HDAC4: variants seen among roughly 807,000 people sequenced by gnomAD.
HDAC4 encodes the protein histone deacetylase 4, also known as histone deacetylase A.
In HDAC4, 16 loss-of-function variants were observed where a neutral mutation model predicts 135.1. The ratio of observed to expected loss-of-function variants is 0.12; its 90% confidence interval spans 0.08 to 0.18. The LOEUF is 0.18. HDAC4 is among the 10% of genes least tolerant of loss of function. HDAC4 has a pLI of 1.00. For missense variants in HDAC4, 1,143 were observed against 1,511.8 expected (o/e 0.76, Z 4.05); for synonymous variants, 685 against 653.4 (o/e 1.05, Z -0.74).
chr2:239,218,410 G>T (rs902902306), intron 3 of HDAC4, among the ~76,000 whole-genome samples: 6 of 151,070 alleles, frequency 4.0e-5, no homozygotes, highest in Admixed American at 2.0e-4. Context: ...AAACTGGCTA[G>T]CCATATGTAG....
At chr2:239,137,000 A>G (rs2041007211) in intron 9 of HDAC4, among the ~76,000 whole-genome samples, 1 of 152,008 alleles carries the variant, frequency 6.6e-6, no homozygotes, top group Non-Finnish European at 1.5e-5. Context: ...AAAGTTAAAG[A>G]ATTATCAGTA....
intron 2 of HDAC4, among the ~76,000 whole-genome samples, chr2:239,250,451 C>A (rs1210547276): frequency 6.6e-6 from 1 of 152,246 alleles, no homozygotes; most frequent in African/African-American, 2.4e-5. Flanking sequence ...GGGCCCCGCA[C>A]GGCCCAGCTC....
At position 239,240,960 on chromosome 2, in the gene HDAC4, T is replaced by A. The variant is rs911543252; in HGVS notation, c.23-4296A>T. Among the ~76,000 whole-genome samples the A allele has an allele frequency of 2.0e-5, 3 of 152,214 alleles. No homozygotes were observed. Among genetic ancestry groups the A allele is most frequent in the African/African-American group, 7.2e-5 (3 of 41,446 alleles). On this transcript the variant is annotated intron_variant, in intron 2 of 26. Coordinates refer to ENST00000543185, the MANE Select transcript of HDAC4 (RefSeq NM_001378414.1). The surrounding 1 kb of genome is among the most constrained non-coding windows in gnomAD (Gnocchi z 4.5). ...ATGTCTAACCAGAAACCCGGCCTTCTGGAGCCAAAGGAACCTCACTTTCAC... is the reference window on the plus strand; with the variant it reads ...ATGTCTAACCAGAAACCCGGCCTTCAGGAGCCAAAGGAACCTCACTTTCAC...
chr2:239,156,172 T>C (rs2042411161), intron 7 of HDAC4, among the ~76,000 whole-genome samples: 1 of 152,234 alleles, frequency 6.6e-6, no homozygotes, highest in Non-Finnish European at 1.5e-5. Context: ...GGATATCCCC[T>C]GCAGGACATA....
chr2:239,259,948 G>A (rs545296228), intron 2 of HDAC4, among the ~76,000 whole-genome samples: 9 of 152,328 alleles, frequency 5.9e-5, no homozygotes, highest in Admixed American at 3.9e-4. Context: ...GCCAGCTAAG[G>A]AGAAGAGGAT....
chr2:239,264,432 T>G (rs1056142542), intron 2 of HDAC4, among the ~76,000 whole-genome samples: 1 of 152,246 alleles, frequency 6.6e-6, no homozygotes, highest in Non-Finnish European at 1.5e-5. Flanking sequence ...AATGTGCTAA[T>G]GTAAGACTAC....
chr2:239,073,884 G>C (rs2034457016), intron 22 of HDAC4, among the ~76,000 whole-genome samples: 1 of 152,230 alleles, frequency 6.6e-6, no homozygotes, highest in African/African-American at 2.4e-5. Flanking sequence ...ACACTGGAAG[G>C]CACTGGCCCC....
At chr2:239,066,088 C>T (rs561218029) in intron 24 of HDAC4, among the ~76,000 whole-genome samples, 20 of 152,200 alleles carry the variant, frequency 1.3e-4, no homozygotes, top group African/African-American at 4.1e-4. Flanking sequence ...CAGGGAGGCC[C>T]GGGCCCCAGC....
In HDAC4 at chr2:239,147,916, C is replaced by T. The variant is rs117494708; in HGVS notation, c.734-3202G>A. On this transcript the variant is annotated intron_variant, in intron 7 of 26. Transcript: ENST00000543185. ...TTCTGATGGAGACACAGGCTGGCTC[C>T]TCCAACTTAAACATCCTGAGAGTCA... Among the ~76,000 whole-genome samples, 53 of 152,360 alleles carry T rather than the reference C, an allele frequency of 3.5e-4. No individual in the cohort carries two copies. In the East Asian group the frequency reaches 6.0e-3, roughly 17 times the overall value.
At chr2:239,083,555 T>C (rs2035563659) in intron 20 of HDAC4, among the ~76,000 whole-genome samples, 2 of 152,332 alleles carry the variant, frequency 1.3e-5, no homozygotes, top group African/African-American at 4.8e-5. Context: ...GAACACTAAA[T>C]ATGTATATAT....
intron 4 of HDAC4, among the ~76,000 whole-genome samples, chr2:239,183,873 A>G (rs1434167623): frequency 6.6e-6 from 1 of 151,342 alleles, no homozygotes. Flanking sequence ...TAAAGAGAAT[A>G]AGGATCATGA....
chr2:239,269,881 C>G (rs942876392), intron 2 of HDAC4, among the ~76,000 whole-genome samples: 1 of 152,204 alleles, frequency 6.6e-6, no homozygotes, highest in African/African-American at 2.4e-5. Context: ...TTCTTACGAC[C>G]CAAGGCTGGC....
At chr2:239,369,020 T>C (rs1694417585) in intron 1 of HDAC4, among the ~76,000 whole-genome samples, 1 of 152,074 alleles carries the variant, frequency 6.6e-6, no homozygotes, top group Non-Finnish European at 1.5e-5. Context: ...ACCACTCCCC[T>C]GGTGACCCCA....
chr2:239,205,207 G>C (rs1214014421), intron 3 of HDAC4, among the ~76,000 whole-genome samples: 1 of 152,188 alleles, frequency 6.6e-6, no homozygotes, highest in East Asian at 1.9e-4. Context: ...AATATTTGAA[G>C]ATAGATGGCT....
chr2:239,157,531 CG>C, intron 6 of HDAC4, among the ~76,000 whole-genome samples: 1 of 152,234 alleles, frequency 6.6e-6, no homozygotes, highest in Admixed American at 6.5e-5. Flanking sequence ...GGCCCTGGGC[CG>C]GGACGGGGAT....
chr2:239,179,881 C>T (rs1575313328), intron 4 of HDAC4, among the ~76,000 whole-genome samples: 1 of 152,396 alleles, frequency 6.6e-6, no homozygotes, highest in East Asian at 1.9e-4. Context: ...AACAGGGCTG[C>T]CCGCACGGAG....
chr2:239,304,084 G>A (rs772102298), intron 2 of HDAC4, among the ~76,000 whole-genome samples: 10 of 152,190 alleles, frequency 6.6e-5, no homozygotes, highest in African/African-American at 1.7e-4. Flanking sequence ...TCCCCGACCC[G>A]TAAGCAGTTG....
intron 24 of HDAC4, 45 bp from the exon 25 acceptor site, chr2:239,054,878 A>ACCCGTCTAACG: frequency 1.5e-6 from 2 of 1,294,626 alleles, no homozygotes; most frequent in Non-Finnish European, 1.1e-6. Context: ...AATATAATCC[A>ACCCGTCTAACG]CACGTGCGTT....
intron 7 of HDAC4, 105 bp from the exon 8 acceptor site, chr2:239,144,819 C>T (rs779821745): frequency 1.9e-4 from 235 of 1,211,136 alleles, no homozygotes; most frequent in Non-Finnish European, 2.7e-4. Flanking sequence ...TAAATATTTG[C>T]TCAACACTGC....
Sources: gnomAD v4.1 joint callset for allele counts (sites outside exome capture counted in the v4.1 genomes callset) on GRCh38, gnomAD v4.1.1 for gene constraint, Gnocchi (gnomAD v3.1) non-coding constraint, MANE v1.5 for transcripts, NCBI Gene and HGNC (gene_info 2026-07-23, HGNC 2026-07-21) for gene names.